The following DCTN1 variants were observed in gnomAD, a reference collection of about 807,000 sequenced individuals.
The protein encoded by DCTN1 is dynactin subunit 1.
A neutral mutation model predicts 161.2 loss-of-function variants in DCTN1; 61 were observed. That is an observed-to-expected ratio of 0.38 (90% CI 0.31 to 0.47). DCTN1 has a LOEUF of 0.47. DCTN1 is among the 20% of genes least tolerant of loss of function. The pLI is 0.99. For missense variants in DCTN1, 1,404 were observed against 1,623.7 expected (o/e 0.86, Z 2.33); for synonymous variants, 653 against 632.4 (o/e 1.03, Z -0.49).
chr2:74,378,348 C>A (rs1675346157), intron 1 of DCTN1, 103 bp from the exon 2 acceptor site: 3 of 1,458,752 alleles, frequency 2.1e-6, no homozygotes, highest in African/African-American at 1.4e-5. Flanking sequence ...TGAAAAACAA[C>A]CAGAGTCATT....
Position 74,368,724 on chromosome 2 carries a change from A to G in DCTN1, c.1854+4T>C. ...CTGTGGAACATGTGATTGATTGGCC[A>G]TACCTTGCAAATGAGACGAGGCATG... On this transcript the variant is annotated splice_donor_region_variant and intron_variant, in intron 16 of 31. Coordinates refer to ENST00000628224, the MANE Select transcript of DCTN1 (RefSeq NM_004082.5). The G allele has an allele frequency of 6.2e-7, 1 of 1,614,244 alleles. No individual in the cohort carries two copies. The highest frequency in any genetic ancestry group is 1.1e-5 in the South Asian group (1 of 91,090).
At chr2:74,367,453 G>A in intron 18 of DCTN1, 33 bp from the exon 19 acceptor site, 2 of 1,612,546 alleles carry the variant, frequency 1.2e-6, no homozygotes, top group Non-Finnish European at 8.5e-7. Flanking sequence ...CAACTTTTAG[G>A]CCCTGGAGCG....
At chr2:74,391,007 A>G (rs1675971954) in intron 1 of DCTN1, among the ~76,000 whole-genome samples, 1 of 152,246 alleles carries the variant, frequency 6.6e-6, no homozygotes, top group African/African-American at 2.4e-5. Flanking sequence ...GCTCTGCAAT[A>G]TTCTGTAGTA....
At chr2:74,374,694 T>TCATGCACCC in intron 5 of DCTN1, 1 of 1,195,826 alleles carries the variant, frequency 8.4e-7, no homozygotes, top group Non-Finnish European at 1.1e-6. Flanking sequence ...CCACCTGACG[T>TCATGCACCC]CATGCACCCA....
intron 1 of DCTN1, among the ~76,000 whole-genome samples, chr2:74,389,101 A>C (rs1228930188): frequency 6.6e-6 from 1 of 152,106 alleles, no homozygotes; most frequent in Non-Finnish European, 1.5e-5. Flanking sequence ...TCTCCTGGGA[A>C]ACAGCATTAG....
At chr2:74,388,224 C>T (rs1200320818) in intron 1 of DCTN1, among the ~76,000 whole-genome samples, 2 of 113,566 alleles carry the variant, frequency 1.8e-5, no homozygotes, top group African/African-American at 1.1e-4. Context: ...AAAAACTGGC[C>T]TCAAACTGGC....
chr2:74,365,651 C>A lies in DCTN1; in HGVS notation c.2893G>T (p.Glu965Ter), dbSNP rs747776212. The A allele has an allele frequency of 6.2e-7, 1 of 1,614,106 alleles. No individual in the cohort carries two copies. Among genetic ancestry groups the A allele is most frequent in the Non-Finnish European group, 8.5e-7 (1 of 1,180,016 alleles). Reference sequence around the variant, plus strand: ...AGCCGCACATTGGCCTCACTTAGCTCCTCTCCCTGGACAAGGACAGAACTT... The same window carrying A: ...AGCCGCACATTGGCCTCACTTAGCTACTCTCCCTGGACAAGGACAGAACTT... ...LKKSLKIKGE[E>*]LSEANVRLSL... Residue 965 changes from glutamate to a stop codon, truncating the protein, a stop_gained, in exon 25 of 32, where the codon GAG becomes TAG. Coordinates refer to ENST00000628224, the MANE Select transcript of DCTN1 (RefSeq NM_004082.5). LOFTEE classifies it high-confidence loss of function.
chr2:74,371,247 A>C, intron 8 of DCTN1, 71 bp from the exon 9 acceptor site: 1 of 1,606,832 alleles, frequency 6.2e-7, no homozygotes, highest in Non-Finnish European at 8.5e-7. Context: ...GCTGGCGCAA[A>C]GAACACAAGA....
rs773727370 is a variant in DCTN1 at position 74,361,581 on chromosome 2, C to T, written c.3755G>A (p.Cys1252Tyr). 5 of 1,614,036 alleles carry T rather than the reference C, an allele frequency of 3.1e-6. No homozygotes were observed. Residue 1252 changes from cysteine (C) to tyrosine (Y), a missense_variant, in exon 32 of 32, where the codon TGT (cysteine) becomes TAT (tyrosine). Physicochemically the swap from Cys to Tyr is radical, Grantham distance 194. Transcript: ENST00000628224. ...TVYMGKVTFS[C>Y]AAGFGQRHRL... ...GTGTCGCTGTCCAAAACCAGCCGCA[C>T]ATGAGAAGGTCACTTTGCCCATGTA...
At chr2:74,375,672 CA>C (rs2103705008) in intron 5 of DCTN1, among the ~76,000 whole-genome samples, 1 of 152,278 alleles carries the variant, frequency 6.6e-6, no homozygotes, top group Admixed American at 6.5e-5. Flanking sequence ...AACCAGGAGA[CA>C]ATAATCAAAG....
At chr2:74,376,403 G>A (rs534780017) in intron 5 of DCTN1, among the ~76,000 whole-genome samples, 21 of 152,314 alleles carry the variant, frequency 1.4e-4, no homozygotes, top group African/African-American at 5.1e-4. Flanking sequence ...AGTCGTCCAA[G>A]CTCGGGCTAA....
At chr2:74,376,838 A>G (rs1443449582) in intron 4 of DCTN1, 76 bp from the exon 5 acceptor site, 2 of 1,429,372 alleles carry the variant, frequency 1.4e-6, no homozygotes, top group Non-Finnish European at 1.9e-6. Context: ...ACTCGGGCTT[A>G]CACAGGTTAG....
chr2:74,377,757 T>C (rs1238160707), intron 2 of DCTN1, 31 bp from the exon 3 acceptor site: 6 of 1,593,326 alleles, frequency 3.8e-6, no homozygotes, highest in South Asian at 2.2e-5. Flanking sequence ...GCCAGATCAA[T>C]AGTTTCAATA....
upstream of DCTN1, among the ~76,000 whole-genome samples, chr2:74,381,056 C>A (rs1019032757): frequency 6.6e-6 from 1 of 152,180 alleles, no homozygotes; most frequent in East Asian, 1.9e-4. Context: ...TTATTTTCTA[C>A]GCTTTTGTAT....
chr2:74,371,525 C>G lies in DCTN1; in HGVS notation c.645+12G>C, dbSNP rs1192491850. The G allele has an allele frequency of 6.4e-7, 1 of 1,561,020 alleles. No homozygotes were observed. Among genetic ancestry groups the G allele is most frequent in the African/African-American group, 1.4e-5 (1 of 73,534 alleles). On this transcript the variant is annotated intron_variant, in intron 8 of 31. Coordinates refer to ENST00000628224, the MANE Select transcript of DCTN1 (RefSeq NM_004082.5). ...TGTCTTGATTCTCCTTTACCCCTAC[C>G]CCAGGCCTTACCTTGGATGGGGAAG...
chr2:74,382,411 C>T (rs1298892663), upstream of DCTN1, among the ~76,000 whole-genome samples: 1 of 151,846 alleles, frequency 6.6e-6, no homozygotes, highest in Non-Finnish European at 1.5e-5. Context: ...ACCAGCCTGG[C>T]TGACATGGTG....
rs115088049 is a variant in DCTN1 at position 74,370,498 on chromosome 2, C to T, written c.1095G>A (p.Glu365=). 303 of 1,614,214 alleles carry T rather than the reference C, an allele frequency of 1.9e-4. 2 individuals are homozygous for T. In the African/African-American group the frequency reaches 3.6e-3, roughly 19 times the overall value. Residue 365 remains glutamate (E), a synonymous_variant, in exon 11 of 32, where the codon GAG becomes GAA. Coordinates refer to ENST00000628224, the MANE Select transcript of DCTN1 (RefSeq NM_004082.5). This position sits in a 1 kb window ranked among gnomAD's most constrained non-coding sequence, Gnocchi z 4.4. ...GGGCATCCTTCAGGCGGGCATTCTG[C>T]TCCTCAAGCTGCTTGAGCTGATAAC... ...ASSYQLKQLE[E]QNARLKDALV...
intron 23 of DCTN1, 51 bp from the exon 24 acceptor site, chr2:74,366,069 C>A: frequency 1.2e-6 from 2 of 1,613,782 alleles, no homozygotes; most frequent in South Asian, 1.1e-5. Flanking sequence ...GAGAAGAGAT[C>A]ATCACTGTGC....
chr2:74,362,938 C>A, intron 29 of DCTN1, 56 bp downstream of exon 29: 1 of 1,589,710 alleles, frequency 6.3e-7, no homozygotes, highest in East Asian at 2.2e-5. Context: ...GGGCTAAATC[C>A]CTGGGCCAAG....
Sources: allele counts gnomAD v4.1 joint callset (sites outside exome capture counted in the v4.1 genomes callset), GRCh38; gene constraint gnomAD v4.1.1; non-coding constraint Gnocchi (gnomAD v3.1); transcripts MANE v1.5; gene names NCBI Gene and HGNC (gene_info 2026-07-23, HGNC 2026-07-21).